The following FBXO42 variants were observed in gnomAD, a reference collection of about 807,000 sequenced individuals.
FBXO42 encodes F-box only protein 42.
A neutral mutation model predicts 71.7 loss-of-function variants in FBXO42; 12 were observed. The observed-to-expected ratio is 0.17, with a 90% CI of 0.11 to 0.27. FBXO42 has a LOEUF of 0.27. FBXO42 is among the 10% of genes least tolerant of loss of function. The pLI is 1.00. For missense variants in FBXO42, 707 were observed against 911.9 expected, an observed-to-expected ratio of 0.78 and a Z score of 2.89; for synonymous variants, 325 against 327.5, an observed-to-expected ratio of 0.99 and a Z score of 0.08.
chr1:16,329,845 A>T (rs1376701378), intron 1 of FBXO42, among the ~76,000 whole-genome samples: 1 of 151,728 alleles, frequency 6.6e-6, no homozygotes, highest in African/African-American at 2.4e-5. Flanking sequence ...GCTACTCGGG[A>T]GGCTGAGGCA....
chr1:16,336,071 G>A (rs998662860), intron 1 of FBXO42, among the ~76,000 whole-genome samples: 38 of 151,510 alleles, frequency 2.5e-4, no homozygotes, highest in African/African-American at 9.0e-4. Flanking sequence ...CTAAGTTGCT[G>A]GGATTACAGG....
intron 1 of FBXO42, among the ~76,000 whole-genome samples, chr1:16,322,926 A>G (rs547209653): frequency 1.3e-5 from 2 of 152,348 alleles, no homozygotes; most frequent in Admixed American, 1.3e-4. Flanking sequence ...TGAAACTGCT[A>G]TGCATTTAAA....
chr1:16,338,237 G>T (rs2100625277), intron 1 of FBXO42, among the ~76,000 whole-genome samples: 1 of 150,328 alleles, frequency 6.7e-6, no homozygotes, highest in South Asian at 2.1e-4. Flanking sequence ...CTCCAGCCTG[G>T]ACAACAGAGC....
At chr1:16,340,055 T>C (rs1055243456) in intron 1 of FBXO42, among the ~76,000 whole-genome samples, 2 of 151,966 alleles carry the variant, frequency 1.3e-5, no homozygotes, top group Admixed American at 6.6e-5. Flanking sequence ...CAGGCGCCTA[T>C]AGTCCCAGCT....
chr1:16,293,871 G>C (rs181466896), intron 4 of FBXO42: 7 of 152,298 alleles, frequency 4.6e-5, no homozygotes, highest in South Asian at 2.1e-4. Context: ...GTTACATGGA[G>C]AATTGGTGAC....
intron 7 of FBXO42, 37 bp downstream of exon 7, chr1:16,253,598 C>G (rs753337516): frequency 6.3e-7 from 1 of 1,595,636 alleles, no homozygotes; most frequent in Non-Finnish European, 8.6e-7. Context: ...AAAGACGCTA[C>G]AGTGTTTGCT....
intron 4 of FBXO42, chr1:16,293,737 G>C (rs542768050): frequency 6.6e-6 from 1 of 152,304 alleles, no homozygotes; most frequent in African/African-American, 2.4e-5. Flanking sequence ...TAAGTCCCTG[G>C]CCTAGACATT....
At chr1:16,265,882 T>G (rs925799222) in intron 4 of FBXO42, among the ~76,000 whole-genome samples, 9 of 151,876 alleles carry the variant, frequency 5.9e-5, no homozygotes. Context: ...TGGCTCTGAG[T>G]ACAGGTGTCT....
At chr1:16,309,059 T>C (rs1225834805) in intron 2 of FBXO42, among the ~76,000 whole-genome samples, 5 of 5,370 alleles carry the variant, frequency 9.3e-4, no homozygotes, top group African/African-American at 2.0e-3. Flanking sequence ...CCCCATCTCT[T>C]TTTTTTTTTT....
intron 1 of FBXO42, among the ~76,000 whole-genome samples, chr1:16,323,766 G>GC (rs1333015572): frequency 1.4e-5 from 2 of 147,818 alleles, no homozygotes; most frequent in East Asian, 4.0e-4. Flanking sequence ...CTCCAAGGTG[G>GC]GTGAGGTGAC....
At chr1:16,303,847 G>A (rs917586953) in intron 3 of FBXO42, among the ~76,000 whole-genome samples, 54 of 152,230 alleles carry the variant, frequency 3.5e-4, no homozygotes, top group African/African-American at 1.2e-3. Context: ...CTGGATTCAC[G>A]CCATTCTCCT....
chr1:16,270,674 C>CAAAAAAAAAAAAAA (rs34861558), intron 4 of FBXO42, among the ~76,000 whole-genome samples: 1 of 14,906 alleles, frequency 6.7e-5, no homozygotes, highest in Non-Finnish European at 1.2e-4. Context: ...CTCTGTCTCT[C>CAAAAAAAAAAAAAA]AAAAAAAAAA....
intron 4 of FBXO42, among the ~76,000 whole-genome samples, chr1:16,271,425 C>T (rs529503182): frequency 2.3e-3 from 344 of 151,998 alleles, no homozygotes; most frequent in African/African-American, 7.9e-3. Flanking sequence ...GGATTACAGG[C>T]GCCTGCCACC....
intron 4 of FBXO42, among the ~76,000 whole-genome samples, chr1:16,283,171 C>G (rs1386884783): frequency 6.6e-6 from 1 of 151,984 alleles, no homozygotes; most frequent in Non-Finnish European, 1.5e-5. Context: ...AAAATTGAGG[C>G]CCAGAGAATG....
At chr1:16,340,702 TC>T (rs1287394569) in intron 1 of FBXO42, among the ~76,000 whole-genome samples, 1 of 152,198 alleles carries the variant, frequency 6.6e-6, no homozygotes. Flanking sequence ...TTTATAATTT[TC>T]TTACAATGCT....
At chr1:16,322,495 G>T (rs1417791514) in intron 1 of FBXO42, among the ~76,000 whole-genome samples, 1 of 152,164 alleles carries the variant, frequency 6.6e-6, no homozygotes, top group Non-Finnish European at 1.5e-5. Flanking sequence ...AGAATTGCTT[G>T]AACCTGGGAG....
At chr1:16,327,138 C>A (rs146569975) in intron 1 of FBXO42, among the ~76,000 whole-genome samples, 2 of 152,252 alleles carry the variant, frequency 1.3e-5, no homozygotes, top group Non-Finnish European at 2.9e-5. Context: ...TTAACAATAT[C>A]GGTACTTTTT....
rs906402634 is a variant in FBXO42 at position 16,276,083 on chromosome 1, T to C, written c.502+18700A>G. Among the ~76,000 whole-genome samples, 45 of 152,064 alleles carry C rather than the reference T, an allele frequency of 3.0e-4. 1 individual carries two copies. The highest frequency in any genetic ancestry group is 5.9e-5 in the Non-Finnish European group (4 of 68,002). On this transcript the variant is annotated intron_variant, in intron 4 of 9. Transcript: ENST00000375592. ...GGAACAGCACATCTCCTCACAGTTA[T>C]GAAAACTGGAAAACTTGGCAGGGTG...
intron 3 of FBXO42, among the ~76,000 whole-genome samples, chr1:16,303,774 C>T (rs1286956333): frequency 1.3e-5 from 2 of 151,980 alleles, no homozygotes; most frequent in African/African-American, 4.8e-5. Context: ...GAGACGGAGT[C>T]TCACTCTGTC....
Sources: gnomAD v4.1 joint callset for allele counts (sites outside exome capture counted in the v4.1 genomes callset) on GRCh38, gnomAD v4.1.1 for gene constraint, MANE v1.5 for transcripts, NCBI Gene and HGNC (gene_info 2026-07-23, HGNC 2026-07-21) for gene names.